Variants in GNG4 observed in about 807,000 individuals in gnomAD.
The protein encoded by GNG4 is G protein subunit gamma 4, also known as guanine nucleotide-binding protein G(I)/G(S)/G(O) subunit gamma-4.
A neutral mutation model predicts 5.8 loss-of-function variants in GNG4; 4 were observed. The ratio of observed to expected loss-of-function variants is 0.69; its 90% confidence interval spans 0.34 to 1.57. GNG4 has a LOEUF of 1.57. Ranked by LOEUF, GNG4 falls within the 40% of genes most tolerant of loss-of-function variation. The pLI is 0.06. For synonymous variants in GNG4, 29 were observed against 32.9 expected, an observed-to-expected ratio of 0.88 and a Z score of 0.41; for missense variants, 96 against 95.1, an observed-to-expected ratio of 1.01 and a Z score of -0.04.
chr1:235,632,887 CG>C (rs1688962971), intron 1 of GNG4, among the ~76,000 whole-genome samples: 1 of 152,054 alleles, frequency 6.6e-6, no homozygotes, highest in African/African-American at 2.4e-5. Context: ...TGGATGAAAC[CG>C]AAAGACTATT....
At chr1:235,619,157 AT>A (rs1449288359) in intron 1 of GNG4, among the ~76,000 whole-genome samples, 5 of 106,294 alleles carry the variant, frequency 4.7e-5, no homozygotes, top group East Asian at 3.1e-4. Context: ...AAAAAAAAAA[AT>A]TTATATATAT....
chr1:235,565,049 C>G (rs556355661), intron 3 of GNG4, among the ~76,000 whole-genome samples: 1 of 152,268 alleles, frequency 6.6e-6, no homozygotes, highest in African/African-American at 2.4e-5. Flanking sequence ...CCATGCCATC[C>G]CCGTGTGGAA....
chr1:235,575,514 T>C (rs2841880), intron 3 of GNG4, among the ~76,000 whole-genome samples: 112,707 of 152,142 alleles, frequency 0.74, 43,140 homozygotes, highest in African/African-American at 0.93. Context: ...GATCTGTCAA[T>C]ACTCAGCAAA....
chr1:235,565,459 G>A (rs987230883), intron 3 of GNG4, among the ~76,000 whole-genome samples: 24 of 152,270 alleles, frequency 1.6e-4, no homozygotes, highest in African/African-American at 5.5e-4. Flanking sequence ...AGCCGAGATC[G>A]TGCCACTGCA....
rs968004224 is a variant in GNG4 at position 235,572,922 on chromosome 1, G to T, written c.99+10818C>A. ...CTCTCTTTTGGCCAAGAGATTTTCA[G>T]TCCTTAGGAATTTATCTTAAAGAAA... On this transcript the variant is annotated intron_variant, in intron 3 of 3. Transcript: ENST00000391854. Among the ~76,000 whole-genome samples the T allele has an allele frequency of 3.9e-5, 6 of 152,104 alleles. No individual in the cohort carries two copies. In the East Asian group the frequency reaches 9.6e-4, roughly 24 times the overall value.
chr1:235,632,086 C>G (rs1688943151), intron 1 of GNG4, among the ~76,000 whole-genome samples: 2 of 152,102 alleles, frequency 1.3e-5, no homozygotes, highest in South Asian at 4.1e-4. Context: ...ACATGTTTTT[C>G]CTTCTTTCTT....
intron 1 of GNG4, among the ~76,000 whole-genome samples, chr1:235,618,698 G>A (rs1481425878): frequency 4.0e-5 from 6 of 149,184 alleles, no homozygotes; most frequent in Non-Finnish European, 5.9e-5. Context: ...CTCTGTCACC[G>A]AGGCTGGAGT....
intron 3 of GNG4, among the ~76,000 whole-genome samples, chr1:235,561,675 G>A (rs992215301): frequency 6.6e-6 from 1 of 152,222 alleles, no homozygotes; most frequent in African/African-American, 2.4e-5. Context: ...GATTACAGGC[G>A]AGAGCCACCG....
intron 3 of GNG4, among the ~76,000 whole-genome samples, chr1:235,567,668 T>C (rs1442997174): frequency 6.6e-6 from 1 of 152,250 alleles, no homozygotes; most frequent in Non-Finnish European, 1.5e-5. Context: ...TGAATAATTT[T>C]CTGTTTTAAG....
At chr1:235,585,481 T>C (rs1687738466) in intron 2 of GNG4, among the ~76,000 whole-genome samples, 2 of 152,346 alleles carry the variant, frequency 1.3e-5, no homozygotes, top group South Asian at 2.1e-4. Context: ...CAGTTACATA[T>C]ATGTTTTCTC....
intron 1 of GNG4, among the ~76,000 whole-genome samples, chr1:235,626,819 C>T (rs1197410083): frequency 1.3e-5 from 2 of 151,808 alleles, no homozygotes; most frequent in African/African-American, 2.4e-5. Context: ...ATTAGCTGGG[C>T]GTGGTGGCAC....
intron 3 of GNG4, among the ~76,000 whole-genome samples, chr1:235,555,544 T>G (rs547070661): frequency 2.6e-5 from 4 of 152,124 alleles, no homozygotes; most frequent in African/African-American, 9.6e-5. Flanking sequence ...CCAGGCATGA[T>G]AGTGCACACC....
chr1:235,578,116 G>A (rs1336050797), intron 3 of GNG4, among the ~76,000 whole-genome samples: 1 of 151,956 alleles, frequency 6.6e-6, no homozygotes, highest in Non-Finnish European at 1.5e-5. Flanking sequence ...TGAAACCAGG[G>A]ATGCCTAGGG....
chr1:235,626,634 C>T (rs73122507), intron 1 of GNG4, among the ~76,000 whole-genome samples: 7,819 of 152,136 alleles, frequency 0.051, 634 homozygotes, highest in African/African-American at 0.18. Context: ...GGACCTTTTC[C>T]GTGACCATTG....
intron 2 of GNG4, among the ~76,000 whole-genome samples, chr1:235,591,219 G>GCTCCCA (rs967516449): frequency 1.6e-4 from 24 of 151,840 alleles, no homozygotes; most frequent in Non-Finnish European, 3.1e-4. Context: ...CACTGCTCCT[G>GCTCCCA]GCTCATTACC....
chr1:235,616,919 TTTTTTTTC>T (rs1042808778), intron 1 of GNG4, among the ~76,000 whole-genome samples: 37 of 136,216 alleles, frequency 2.7e-4, no homozygotes, highest in African/African-American at 1.1e-3. Flanking sequence ...TTTTTTTTTT[TTTTTTTTC>T]AGTAGAGATG....
chr1:235,609,248 G>A (rs1339939338), intron 1 of GNG4, among the ~76,000 whole-genome samples: 1 of 152,086 alleles, frequency 6.6e-6, no homozygotes, highest in Non-Finnish European at 1.5e-5. Flanking sequence ...ACCACATTTA[G>A]TTTATCGGCC....
Position 235,644,471 on chromosome 1 carries a change from CCTT to C in GNG4, c.-123+5188_-123+5190del, listed in dbSNP as rs1444185688. On this transcript the variant is annotated intron_variant, in intron 1 of 3. Coordinates refer to ENST00000391854, the MANE Select transcript of GNG4 (RefSeq NM_001098722.2). This position sits in a 1 kb window ranked among gnomAD's most constrained non-coding sequence, Gnocchi z 5.9. ...GACGCTGTCTCTCATCCTGGTAACA[CCTT>C]CTTCCCCGCACACACCGTCAAACAC... Among the ~76,000 whole-genome samples, 1 of 152,236 alleles carries C rather than the reference CCTT, an allele frequency of 6.6e-6. No individual in the cohort carries two copies. The highest frequency in any genetic ancestry group is 2.4e-5 in the African/African-American group (1 of 41,456).
intron 2 of GNG4, among the ~76,000 whole-genome samples, chr1:235,585,976 C>A (rs1687748949): frequency 6.6e-6 from 1 of 152,106 alleles, no homozygotes; most frequent in South Asian, 2.1e-4. Flanking sequence ...AAGAAATTTT[C>A]TATTTGGCCA....
Sources: allele counts gnomAD v4.1 joint callset (sites outside exome capture counted in the v4.1 genomes callset), GRCh38; gene constraint gnomAD v4.1.1; non-coding constraint Gnocchi (gnomAD v3.1); transcripts MANE v1.5; gene names NCBI Gene and HGNC (gene_info 2026-07-23, HGNC 2026-07-21).